The following FN1 variants were observed in gnomAD, a reference collection of about 807,000 sequenced individuals.
FN1 encodes fibronectin.
FN1 carries 106 observed loss-of-function variants against 297.3 expected under a neutral mutation model. That is an observed-to-expected ratio of 0.36 (90% confidence interval 0.30 to 0.42). The LOEUF (loss-of-function observed/expected upper bound fraction) is 0.42. FN1 is among the 10% of genes least tolerant of loss of function. The pLI, the probability that FN1 is intolerant of heterozygous loss-of-function variation, is 1.00. For synonymous variants in FN1, 1,149 were observed against 1,152.6 expected (o/e 1.00, Z 0.06); for missense variants, 2,690 against 3,124.9 (o/e 0.86, Z 3.32).
At chr2:215,423,032 T>C (rs1256513234) in intron 9 of FN1, among the ~76,000 whole-genome samples, 1 of 152,192 alleles carries the variant, frequency 6.6e-6, no homozygotes, top group African/African-American at 2.4e-5. Flanking sequence ...TGTGTGCTCT[T>C]TACAAAGACA....
At chr2:215,374,485 T>G (rs2056885029) in intron 38 of FN1, among the ~76,000 whole-genome samples, 1 of 152,202 alleles carries the variant, frequency 6.6e-6, no homozygotes, top group African/African-American at 2.4e-5. Context: ...TCACAAGATC[T>G]GATAGTTTTG....
intron 26 of FN1, among the ~76,000 whole-genome samples, chr2:215,390,612 G>A (rs1005806402): frequency 6.6e-6 from 1 of 152,162 alleles, no homozygotes; most frequent in African/African-American, 2.4e-5. Flanking sequence ...ACAGGTCTAC[G>A]GCTAAGGGAC....
chr2:215,383,622 G>A (rs2058507881), intron 30 of FN1, 139 bp from the exon 31 acceptor site: 5 of 949,770 alleles, frequency 5.3e-6, no homozygotes, highest in South Asian at 4.1e-5. Flanking sequence ...AGAATACAGA[G>A]AGAGCTTTTA....
At position 215,423,509 on chromosome 2, in the gene FN1, C is replaced by T. The variant is rs201298277; in HGVS notation, c.1234G>A (p.Gly412Arg). The T allele has an allele frequency of 1.2e-6, 2 of 1,614,144 alleles. No homozygotes were observed. Among genetic ancestry groups the T allele is most frequent in the Non-Finnish European group, 1.7e-6 (2 of 1,180,008 alleles). ...TDHTVLVQTRGGNSNGALCHF... is the reference protein window; with the variant it reads ...TDHTVLVQTRRGNSNGALCHF... ...CACAAGGCACCATTGGAATTTCCTCCTCGAGTCTGAACCAAAACTGCCAGG... is the reference window on the plus strand; with the variant it reads ...CACAAGGCACCATTGGAATTTCCTCTTCGAGTCTGAACCAAAACTGCCAGG... The change falls in exon 9 of 46, where the codon GGA becomes AGA. Residue 412 changes from glycine (G) to arginine (R), a missense_variant. Gly to Arg is a moderately radical substitution (Grantham distance 125). Transcript: ENST00000354785.
At chr2:215,380,731 G>A (rs2058083615) in intron 33 of FN1, 80 bp downstream of exon 33, 1 of 1,479,862 alleles carries the variant, frequency 6.8e-7, no homozygotes, top group Admixed American at 1.7e-5. Flanking sequence ...GGAATCAATA[G>A]CCCAGTGAAG....
rs770129874 is a variant in FN1 at position 215,393,041 on chromosome 2, A to G, written c.3959T>C (p.Val1320Ala). The change falls in exon 25 of 46, where the codon GTA (valine) becomes GCA (alanine). Residue 1320 changes from valine (V) to alanine (A), a missense_variant. Around this residue, in one of 3 missense-constraint regions of FN1, gnomAD observed 1,743 missense variants for 1,945.2 expected, o/e 0.90. Coordinates refer to ENST00000354785, the MANE Select transcript of FN1 (RefSeq NM_212482.4). ...PIFEDFVDSS[V>A]GYYTVTGLEP... ...CAGCCCTGTGACTGTGTAGTATCCT[A>G]CTGAGGAGTCCACAAAATCTTCAAA... 3.1e-6 allele frequency: 5 copies of G among 1,613,932 alleles called. No individual in the cohort carries two copies. Among genetic ancestry groups the G allele is most frequent in the Non-Finnish European group, 3.4e-6 (4 of 1,180,018 alleles).
At chr2:215,420,490 C>T (rs1057176435) in intron 11 of FN1, among the ~76,000 whole-genome samples, 183 bp downstream of exon 11, 6 of 152,082 alleles carry the variant, frequency 3.9e-5, no homozygotes, top group African/African-American at 1.2e-4. Flanking sequence ...AAAAACCAGA[C>T]GACTACCAAT....
chr2:215,411,981 T>C (rs1464190531), intron 13 of FN1, among the ~76,000 whole-genome samples: 1 of 152,164 alleles, frequency 6.6e-6, no homozygotes, highest in East Asian at 1.9e-4. Context: ...GTACATTTTA[T>C]ACCACTTTTA....
At chr2:215,433,730 C>G (rs562374439) in intron 2 of FN1, among the ~76,000 whole-genome samples, 1 of 152,178 alleles carries the variant, frequency 6.6e-6, no homozygotes, top group African/African-American at 2.4e-5. Flanking sequence ...AAAGTACTAA[C>G]TTATGACAGA....
At chr2:215,422,892 A>C (rs2106426836) in intron 9 of FN1, among the ~76,000 whole-genome samples, 1 of 152,298 alleles carries the variant, frequency 6.6e-6, no homozygotes, top group African/African-American at 2.4e-5. Context: ...GAAAACATTG[A>C]GTTTTAGTCA....
chr2:215,418,640 A>T (rs1575727885), intron 12 of FN1, among the ~76,000 whole-genome samples: 1 of 152,194 alleles, frequency 6.6e-6, no homozygotes, highest in East Asian at 1.9e-4. Flanking sequence ...TTACACCTAC[A>T]GCTAGGCATG....
intron 30 of FN1, 70 bp downstream of exon 30, chr2:215,383,950 T>C: frequency 6.5e-7 from 1 of 1,540,340 alleles, no homozygotes; most frequent in Non-Finnish European, 9.0e-7. Context: ...GAAAAATACC[T>C]TGGGAGAACA....
intron 28 of FN1, 74 bp downstream of exon 28, chr2:215,386,614 CA>C (rs2059047609): frequency 7.9e-6 from 5 of 635,290 alleles, no homozygotes; most frequent in Non-Finnish European, 1.3e-5. Flanking sequence ...TGACAGACAA[CA>C]GCAAGCTACT....
At chr2:215,432,051 G>A in intron 3 of FN1, 87 bp from the exon 4 acceptor site, 2 of 1,522,182 alleles carry the variant, frequency 1.3e-6, no homozygotes, top group Non-Finnish European at 1.8e-6. Flanking sequence ...AGGTACTTAG[G>A]TTGGCTAAAG....
At chr2:215,371,730 C>G in intron 40 of FN1, 179 bp downstream of exon 40, 2 of 451,394 alleles carry the variant, frequency 4.4e-6, no homozygotes, top group Non-Finnish European at 4.1e-6. Flanking sequence ...CCAGGCTGGT[C>G]TTGAACTCCT....
intron 45 of FN1, 81 bp from the exon 46 acceptor site, chr2:215,361,707 A>C (rs1469348091): frequency 8.9e-7 from 1 of 1,128,390 alleles, no homozygotes; most frequent in African/African-American, 1.5e-5. Context: ...GGAGGTGGGG[A>C]CTCATGACAG....
At chr2:215,370,064 C>T (rs1010723153) in intron 41 of FN1, among the ~76,000 whole-genome samples, 5 of 152,108 alleles carry the variant, frequency 3.3e-5, no homozygotes, top group African/African-American at 1.2e-4. Context: ...ATCATATCAC[C>T]ATTTGAGAGT....
chr2:215,372,488 C>T (rs2056421481), intron 39 of FN1, 113 bp from the exon 40 acceptor site: 1 of 822,642 alleles, frequency 1.2e-6, no homozygotes, highest in Admixed American at 1.9e-5. Context: ...TTGATAAAAG[C>T]CACCAGAAAA....
intron 23 of FN1, among the ~76,000 whole-genome samples, chr2:215,396,823 T>C (rs1341877118): frequency 6.6e-6 from 1 of 152,218 alleles, no homozygotes; most frequent in East Asian, 1.9e-4. Flanking sequence ...CAACCATTTG[T>C]TTGGCAATTT....
Sources: gnomAD v4.1 joint callset for allele counts (sites outside exome capture counted in the v4.1 genomes callset) on GRCh38, gnomAD v4.1.1 for gene constraint, gnomAD v4.1.1 regional missense constraint, MANE v1.5 for transcripts, NCBI Gene and HGNC (gene_info 2026-07-23, HGNC 2026-07-21) for gene names.